HERC3: variants seen among roughly 807,000 people sequenced by gnomAD.
HERC3 encodes HECT and RLD domain containing E3 ubiquitin protein ligase 3.
Under a neutral mutation model 129.9 loss-of-function variants are expected in HERC3, and 58 were observed. That is an observed-to-expected ratio of 0.45 (90% CI 0.36 to 0.56). The LOEUF (loss-of-function observed/expected upper bound fraction) is 0.56. Ranked by LOEUF, HERC3 falls within the 20% of genes least tolerant of loss-of-function variation. The pLI, the probability that HERC3 is intolerant of heterozygous loss-of-function variation, is 0.00. For missense variants in HERC3, 835 were observed against 1,244.2 expected (o/e 0.67, Z 4.95); for synonymous variants, 430 against 451.0 (o/e 0.95, Z 0.59).
rs115266253 is a variant in HERC3 at position 88,678,854 on chromosome 4, G to A, written c.2196+720G>A. ...AAATTCCTAATAAGTAGCATCAGTC[G>A]TATCAATCTGCCTGGTTGTTCTTCC... On this transcript the variant is annotated intron_variant, in intron 19 of 25. Coordinates refer to ENST00000402738, the MANE Select transcript of HERC3 (RefSeq NM_014606.3). Among the ~76,000 whole-genome samples the A allele has an allele frequency of 2.4e-3, 367 of 152,198 alleles. 2 individuals carry two copies. The highest frequency in any genetic ancestry group is 8.5e-3 in the African/African-American group (354 of 41,526).
In HERC3 at chr4:88,655,269, G is replaced by T. The variant is rs775037314; in HGVS notation, c.873G>T (p.Leu291=). The T allele has an allele frequency of 1.2e-6, 2 of 1,613,782 alleles. No individual in the cohort carries two copies. Among genetic ancestry groups the T allele is most frequent in the Admixed American group, 1.7e-5 (1 of 59,996 alleles). Residue 291 remains leucine, a synonymous_variant, in exon 8 of 26, where the codon CTG becomes CTT. Transcript: ENST00000402738. The part of the protein sequence containing the change: ...DEVNPRRVLE[L]MGSEVTQIAC... ...TTAACCCTAGAAGAGTTCTAGAGCT[G>T]ATGGGTAGTGAAGTAACTCAAATTG...
At chr4:88,555,969 A>G in the HERC3 span, among the ~76,000 whole-genome samples, 11 of 152,220 alleles carry the variant, frequency 7.2e-5, no homozygotes, top group African/African-American at 1.2e-4. Context: ...GGGGTCTCCA[A>G]TGGATAATTG....
chr4:88,673,379 C>A (rs1022149765), intron 16 of HERC3, among the ~76,000 whole-genome samples: 1 of 151,944 alleles, frequency 6.6e-6, no homozygotes, highest in Non-Finnish European at 1.5e-5. Context: ...ATGTTGACTT[C>A]GTATTTAAAA....
intron 23 of HERC3, chr4:88,697,178 G>T: frequency 6.8e-7 from 1 of 1,466,396 alleles, no homozygotes. Context: ...TTCTTCGTGG[G>T]CTTTCTCTTC....
At chr4:88,628,688 C>T (rs1035633299) in intron 3 of HERC3, among the ~76,000 whole-genome samples, 3 of 152,144 alleles carry the variant, frequency 2.0e-5, no homozygotes, top group African/African-American at 7.2e-5. Flanking sequence ...TAGCAAGCCC[C>T]TCTGGAAGCA....
intron 3 of HERC3, among the ~76,000 whole-genome samples, chr4:88,645,096 A>G (rs1728549470): frequency 6.6e-6 from 1 of 152,192 alleles, no homozygotes; most frequent in African/African-American, 2.4e-5. Context: ...GTGTATCTCC[A>G]TCACCCAGAC....
chr4:88,560,752 G>T, the HERC3 span, among the ~76,000 whole-genome samples: 45 of 151,966 alleles, frequency 3.0e-4, no homozygotes, highest in Non-Finnish European at 4.4e-5. Context: ...ATTTTTAGTT[G>T]ATTTTTGTGT....
At chr4:88,696,337 A>G (rs773707362) in intron 23 of HERC3, 2 of 152,666 alleles carry the variant, frequency 1.3e-5, no homozygotes, top group African/African-American at 4.8e-5. Context: ...CGCAAAGTAC[A>G]TAACGCTGGA....
At chr4:88,533,094 C>T in the HERC3 span, among the ~76,000 whole-genome samples, 146 of 152,284 alleles carry the variant, frequency 9.6e-4, no homozygotes, top group Middle Eastern at 3.4e-3. Flanking sequence ...GGCCGAAGGC[C>T]GGAGAATCCC....
At chr4:88,666,927 A>G (rs879477593) in intron 12 of HERC3, among the ~76,000 whole-genome samples, 2 of 152,182 alleles carry the variant, frequency 1.3e-5, no homozygotes, top group Non-Finnish European at 2.9e-5. Flanking sequence ...TTCTACTGTC[A>G]TTTGTTGATG....
At chr4:88,607,193 G>GTA (rs1337468611) in intron 3 of HERC3, among the ~76,000 whole-genome samples, 1 of 151,256 alleles carries the variant, frequency 6.6e-6, no homozygotes, top group East Asian at 1.9e-4. Flanking sequence ...GTGTGTGTGT[G>GTA]TGTATGCATG....
intron 2 of HERC3, among the ~76,000 whole-genome samples, chr4:88,596,871 G>C (rs1178738123): frequency 6.6e-6 from 1 of 152,154 alleles, no homozygotes; most frequent in Non-Finnish European, 1.5e-5. Context: ...TGTTACCACT[G>C]ATGATTCTTA....
intron 10 of HERC3, among the ~76,000 whole-genome samples, chr4:88,659,718 A>G (rs911045169): frequency 1.3e-5 from 2 of 152,256 alleles, no homozygotes; most frequent in African/African-American, 4.8e-5. Flanking sequence ...GTTTTTGTCC[A>G]TAAGTAATAG....
chr4:88,615,620 G>C (rs1724818479), intron 3 of HERC3, among the ~76,000 whole-genome samples: 1 of 152,258 alleles, frequency 6.6e-6, no homozygotes, highest in Admixed American at 6.5e-5. Flanking sequence ...CTTGGAGAAA[G>C]TTGCTTAAAC....
chr4:88,549,941 C>T, the HERC3 span, among the ~76,000 whole-genome samples: 750 of 152,086 alleles, frequency 4.9e-3, 13 homozygotes, highest in African/African-American at 0.017. Flanking sequence ...TCAGGATACG[C>T]GAACAGGAGG....
At chr4:88,638,426 G>C (rs921324811) in intron 3 of HERC3, among the ~76,000 whole-genome samples, 4 of 152,174 alleles carry the variant, frequency 2.6e-5, no homozygotes, top group Non-Finnish European at 1.5e-5. Flanking sequence ...GGGATGCAAG[G>C]CTGGTTCACC....
At chr4:88,551,739 A>G in the HERC3 span, among the ~76,000 whole-genome samples, 1 of 152,186 alleles carries the variant, frequency 6.6e-6, no homozygotes, top group Admixed American at 6.5e-5. Context: ...TTCCTCAGGG[A>G]TCTAGAACTA....
At chr4:88,651,914 G>A (rs1729328713) in intron 4 of HERC3, 98 bp from the exon 5 acceptor site, 1 of 916,576 alleles carries the variant, frequency 1.1e-6, no homozygotes, top group South Asian at 1.4e-5. Flanking sequence ...GCAAGATGGT[G>A]TTATTTATTA....
At chr4:88,671,628 A>T (rs1731624242) in intron 16 of HERC3, among the ~76,000 whole-genome samples, 1 of 152,048 alleles carries the variant, frequency 6.6e-6, no homozygotes, top group Admixed American at 6.5e-5. Context: ...GGCTCAAGCC[A>T]TTCTCCCACC....
Sources: allele counts gnomAD v4.1 joint callset (sites outside exome capture counted in the v4.1 genomes callset), GRCh38; gene constraint gnomAD v4.1.1; transcripts MANE v1.5; gene names NCBI Gene and HGNC (gene_info 2026-07-23, HGNC 2026-07-21).